ST8SIA1: variants seen among roughly 807,000 people sequenced by gnomAD.
The protein encoded by ST8SIA1 is ST8 alpha-N-acetyl-neuraminide alpha-2,8-sialyltransferase 1.
In ST8SIA1, 16 loss-of-function variants were observed where a neutral mutation model predicts 35.9. That is an observed-to-expected ratio of 0.45 (90% CI 0.30 to 0.68). ST8SIA1 has a LOEUF of 0.68. Among genes scored for constraint, ST8SIA1 ranks in the 30% least tolerant of loss-of-function variants. The pLI, the probability that ST8SIA1 is intolerant of heterozygous loss-of-function variation, is 0.09. For missense variants in ST8SIA1, 383 were observed against 453.6 expected, an observed-to-expected ratio of 0.84 and a Z score of 1.41; for synonymous variants, 170 against 169.6, an observed-to-expected ratio of 1.00 and a Z score of -0.02.
At chr12:22,262,489 G>C (rs1158593971) in intron 2 of ST8SIA1, among the ~76,000 whole-genome samples, 1 of 152,120 alleles carries the variant, frequency 6.6e-6, no homozygotes, top group East Asian at 1.9e-4. Flanking sequence ...GGCACAAGGA[G>C]ACTTTACACC....
At chr12:22,285,305 C>T (rs1003405698) in intron 2 of ST8SIA1, among the ~76,000 whole-genome samples, 2 of 152,202 alleles carry the variant, frequency 1.3e-5, no homozygotes, top group Non-Finnish European at 2.9e-5. Flanking sequence ...CTTCCCAGTC[C>T]CTAGACCACA....
At chr12:22,310,918 C>T (rs1244311628) in intron 1 of ST8SIA1, among the ~76,000 whole-genome samples, 1 of 152,108 alleles carries the variant, frequency 6.6e-6, no homozygotes, top group Non-Finnish European at 1.5e-5. Flanking sequence ...AGACTGTTCC[C>T]AGACACTCTG....
chr12:22,220,016 G>A (rs1865280444), intron 4 of ST8SIA1, among the ~76,000 whole-genome samples: 1 of 152,132 alleles, frequency 6.6e-6, no homozygotes, highest in South Asian at 2.1e-4. Flanking sequence ...TCAAAACAGA[G>A]TTCTAGTTTG....
chr12:22,252,230 A>G (rs1162299358), intron 3 of ST8SIA1, among the ~76,000 whole-genome samples: 1 of 152,218 alleles, frequency 6.6e-6, no homozygotes, highest in Non-Finnish European at 1.5e-5. Flanking sequence ...ATCACTGTGT[A>G]CAGGCAGTGC....
chr12:22,219,937 C>A (rs532116268), intron 4 of ST8SIA1, among the ~76,000 whole-genome samples: 1 of 152,228 alleles, frequency 6.6e-6, no homozygotes, highest in African/African-American at 2.4e-5. Flanking sequence ...CTTTTTAATC[C>A]ATTTTCAGTA....
intron 2 of ST8SIA1, 71 bp from the exon 3 acceptor site, chr12:22,255,460 G>A: frequency 7.6e-7 from 1 of 1,310,466 alleles, no homozygotes; most frequent in Non-Finnish European, 1.1e-6. Flanking sequence ...ATTGTTTACA[G>A]CAGACCCTTT....
chr12:22,314,580 G>C (rs1177583923), intron 1 of ST8SIA1, among the ~76,000 whole-genome samples: 1 of 152,152 alleles, frequency 6.6e-6, no homozygotes, highest in East Asian at 1.9e-4. Context: ...CCATGATATA[G>C]AGCAAGAGGA....
intron 1 of ST8SIA1, among the ~76,000 whole-genome samples, chr12:22,328,576 C>T (rs1351432648): frequency 1.3e-5 from 2 of 152,122 alleles, no homozygotes; most frequent in Non-Finnish European, 2.9e-5. Context: ...CAGCTACAGA[C>T]CCAGCATCTC....
At chr12:22,294,382 G>A (rs1866217795) in intron 1 of ST8SIA1, among the ~76,000 whole-genome samples, 1 of 152,166 alleles carries the variant, frequency 6.6e-6, no homozygotes, top group Admixed American at 6.6e-5. Context: ...TCCATATAGA[G>A]CAGAGATTTG....
intron 3 of ST8SIA1, among the ~76,000 whole-genome samples, chr12:22,249,413 A>G (rs762420977): frequency 2.1e-4 from 32 of 151,834 alleles, no homozygotes; most frequent in Admixed American, 6.6e-4. Flanking sequence ...GTAGAGACGG[A>G]GTTTCACCGT....
At chr12:22,202,944 T>C (rs1054340472) in intron 4 of ST8SIA1, among the ~76,000 whole-genome samples, 1 of 152,184 alleles carries the variant, frequency 6.6e-6, no homozygotes, top group African/African-American at 2.4e-5. Flanking sequence ...TAGGAGGTGC[T>C]AATGGCGGCA....
intron 2 of ST8SIA1, among the ~76,000 whole-genome samples, chr12:22,284,930 A>AT (rs1398415227): frequency 6.6e-6 from 1 of 152,226 alleles, no homozygotes; most frequent in African/African-American, 2.4e-5. Context: ...GTCCTCATCT[A>AT]TAAAAAAAAG....
chr12:22,269,961 GAGTA>G (rs1400699903), intron 2 of ST8SIA1, among the ~76,000 whole-genome samples: 2 of 152,186 alleles, frequency 1.3e-5, no homozygotes, highest in African/African-American at 4.8e-5. Context: ...ATTAGCAACT[GAGTA>G]AGTCTCCATC....
At chr12:22,207,735 TG>T (rs552090946) in intron 4 of ST8SIA1, among the ~76,000 whole-genome samples, 39 of 152,288 alleles carry the variant, frequency 2.6e-4, no homozygotes, top group African/African-American at 7.7e-4. Context: ...ATACCTAACA[TG>T]ATAGCTTTTG....
chr12:22,282,165 C>A (rs1367573536), intron 2 of ST8SIA1, among the ~76,000 whole-genome samples: 2 of 152,088 alleles, frequency 1.3e-5, no homozygotes, highest in African/African-American at 2.4e-5. Context: ...AGGAAATAAA[C>A]CATAGAGTAA....
At chr12:22,327,211 T>A (rs1350580249) in intron 1 of ST8SIA1, among the ~76,000 whole-genome samples, 2 of 152,182 alleles carry the variant, frequency 1.3e-5, no homozygotes, top group African/African-American at 2.4e-5. Flanking sequence ...TCTATTCTCC[T>A]CCCTGGACAA....
intron 1 of ST8SIA1, among the ~76,000 whole-genome samples, chr12:22,330,839 C>T (rs1296232528): frequency 6.6e-6 from 1 of 152,158 alleles, no homozygotes; most frequent in Non-Finnish European, 1.5e-5. Context: ...TTCTGAGGAG[C>T]AAATGAAATG....
intron 1 of ST8SIA1, among the ~76,000 whole-genome samples, chr12:22,328,454 A>T (rs1866709800): frequency 6.6e-6 from 1 of 152,184 alleles, no homozygotes; most frequent in Non-Finnish European, 1.5e-5. Flanking sequence ...TTTTTAATAC[A>T]TCATCACTAA....
At chr12:22,236,145 T>C (rs1214358880) in intron 4 of ST8SIA1, among the ~76,000 whole-genome samples, 3 of 152,164 alleles carry the variant, frequency 2.0e-5, no homozygotes, top group Admixed American at 2.0e-4. Context: ...GTCTCCCTTC[T>C]CTAGACCTTC....
Sources: allele counts gnomAD v4.1 joint callset (sites outside exome capture counted in the v4.1 genomes callset), GRCh38; gene constraint gnomAD v4.1.1; transcripts MANE v1.5; gene names NCBI Gene and HGNC (gene_info 2026-07-23, HGNC 2026-07-21).